MPRIP: variants seen among roughly 807,000 people sequenced by gnomAD.
MPRIP encodes myosin phosphatase Rho-interacting protein.
A neutral mutation model predicts 234.9 loss-of-function variants in MPRIP; 59 were observed. The ratio of observed to expected loss-of-function variants is 0.25; its 90% confidence interval spans 0.20 to 0.31. MPRIP has a LOEUF of 0.31. MPRIP is among the 10% of genes least tolerant of loss of function. MPRIP has a pLI of 1.00. For missense variants in MPRIP, 2,436 were observed against 3,071.0 expected, an observed-to-expected ratio of 0.79 and a Z score of 4.89; for synonymous variants, 1,144 against 1,263.9, an observed-to-expected ratio of 0.91 and a Z score of 2.01.
At chr17:17,088,761 T>C (rs2089648650) in intron 3 of MPRIP, among the ~76,000 whole-genome samples, 1 of 152,192 alleles carries the variant, frequency 6.6e-6, no homozygotes, top group Admixed American at 6.5e-5. Context: ...GATGAGCTGA[T>C]CCACGTAGGG....
chr17:17,155,105 C>G (rs527683119), intron 13 of MPRIP, among the ~76,000 whole-genome samples: 40 of 152,316 alleles, frequency 2.6e-4, no homozygotes, highest in Middle Eastern at 6.8e-3. Context: ...TTCAGAGCCT[C>G]CACGCATCTG....
intron 1 of MPRIP, among the ~76,000 whole-genome samples, chr17:17,073,261 A>T (rs918552756): frequency 6.6e-6 from 1 of 152,114 alleles, no homozygotes; most frequent in South Asian, 2.1e-4. Flanking sequence ...CACCTGCATC[A>T]GTCCCCTCTG....
At chr17:17,097,248 T>C (rs2089867361) in intron 3 of MPRIP, 1 of 183,366 alleles carries the variant, frequency 5.5e-6, no homozygotes, top group African/African-American at 2.3e-5. Flanking sequence ...ATATTGTGGT[T>C]ATGTATCTAT....
intron 3 of MPRIP, among the ~76,000 whole-genome samples, chr17:17,112,583 A>C (rs1034024247): frequency 6.6e-6 from 1 of 152,106 alleles, no homozygotes; most frequent in East Asian, 1.9e-4. Flanking sequence ...CTGCTCCTGC[A>C]GGGCTCACTC....
chr17:17,166,699 A>G lies in MPRIP; in HGVS notation c.5108A>G (p.Gln1703Arg). 1 of 1,304,082 alleles carries G rather than the reference A, an allele frequency of 7.7e-7. No individual in the cohort carries two copies. Among genetic ancestry groups the G allele is most frequent in the East Asian group, 5.5e-5 (1 of 18,024 alleles). The allele number at this position is 1,304,082 out of a possible 1,614,324, so 80.8% of individuals were successfully genotyped here. ...TLRGTQTALR[Q>R]HKCLLREILG... is the part of the protein sequence containing the mutation. ...CGGGGCACCCAGACGGCCCTGCGGC[A>G]GCACAAATGCCTGCTGAGGGAAATC... The change falls in exon 16 of 24, where the codon CAG becomes CGG. Residue 1703 changes from glutamine to arginine, a missense_variant. Coordinates refer to ENST00000651222, the MANE Select transcript of MPRIP (RefSeq NM_001364716.4). This position sits in a 1 kb window ranked among gnomAD's most constrained non-coding sequence, Gnocchi z 4.4.
chr17:17,146,996 C>T (rs1436792831), intron 10 of MPRIP, among the ~76,000 whole-genome samples: 2 of 152,250 alleles, frequency 1.3e-5, no homozygotes, highest in African/African-American at 4.8e-5. Flanking sequence ...TGTCTGCAGC[C>T]TCTGTAGTTA....
At chr17:17,102,197 G>T (rs2089976470) in intron 3 of MPRIP, among the ~76,000 whole-genome samples, 1 of 152,106 alleles carries the variant, frequency 6.6e-6, no homozygotes, top group Non-Finnish European at 1.5e-5. Flanking sequence ...CTCCCTTCCT[G>T]TCTTTATGGG....
At chr17:17,084,515 T>G (rs2089540799) in intron 3 of MPRIP, among the ~76,000 whole-genome samples, 1 of 152,224 alleles carries the variant, frequency 6.6e-6, no homozygotes, top group Admixed American at 6.5e-5. Flanking sequence ...CCAGAGAGAT[T>G]GCGAGGTGGC....
intron 3 of MPRIP, among the ~76,000 whole-genome samples, chr17:17,088,060 A>G (rs1210849501): frequency 6.6e-6 from 1 of 152,200 alleles, no homozygotes; most frequent in Non-Finnish European, 1.5e-5. Flanking sequence ...ACTGCTGGCC[A>G]CCCACAATTG....
intron 1 of MPRIP, among the ~76,000 whole-genome samples, chr17:17,064,851 T>C (rs946811868): frequency 2.0e-5 from 3 of 152,180 alleles, no homozygotes; most frequent in Non-Finnish European, 4.4e-5. Context: ...GTGTATGTTT[T>C]CATTCCCTGG....
chr17:17,139,701 A>T (rs2090774282), intron 7 of MPRIP, among the ~76,000 whole-genome samples: 1 of 152,172 alleles, frequency 6.6e-6, no homozygotes, highest in African/African-American at 2.4e-5. Context: ...CCACTCTTCC[A>T]AACGTCCCAG....
intron 3 of MPRIP, among the ~76,000 whole-genome samples, chr17:17,122,523 T>A (rs1179292304): frequency 6.6e-6 from 1 of 152,148 alleles, no homozygotes; most frequent in African/African-American, 2.4e-5. Flanking sequence ...CCAGCTAATT[T>A]TTTGTATTTT....
chr17:17,126,772 C>T lies in MPRIP; in HGVS notation c.338C>T (p.Thr113Met), dbSNP rs747878388. 3 of 1,614,178 alleles carry T rather than the reference C, an allele frequency of 1.9e-6. No homozygotes were observed. The highest frequency in any genetic ancestry group is 1.1e-5 in the South Asian group (1 of 91,080). Reference sequence around the variant, plus strand: ...GATGTGGTGGATGGGGAGGGCCGCACGGGCCAGAAGTTCTCCCTGTGTATT... The same window carrying T: ...GATGTGGTGGATGGGGAGGGCCGCATGGGCCAGAAGTTCTCCCTGTGTATT... ...CTDVVDGEGR[T>M]GQKFSLCILT... Residue 113 changes from threonine to methionine, a missense_variant, in exon 4 of 24, where the codon ACG becomes ATG. Transcript: ENST00000651222.
In MPRIP at chr17:17,180,794, C is replaced by A. The variant is rs2046358054; in HGVS notation, c.7206+706C>A. The A allele has an allele frequency of 2.3e-5, 23 of 995,100 alleles. No homozygotes were observed. In the South Asian group the frequency reaches 3.3e-4, roughly 14 times the overall value. 61.6% of individuals were successfully genotyped at this position (995,100 alleles called of 1,614,324 possible). On this transcript the variant is annotated intron_variant, in intron 23 of 23. Coordinates refer to ENST00000651222, the MANE Select transcript of MPRIP (RefSeq NM_001364716.4). ...CACATACCAAATCCAAGTGAGGTTTCTTTAACCTGCTCTGGGGAGTTAATT... is the reference window on the plus strand; with the variant it reads ...CACATACCAAATCCAAGTGAGGTTTATTTAACCTGCTCTGGGGAGTTAATT...
intron 14 of MPRIP, 92 bp from the exon 15 acceptor site, chr17:17,161,148 C>T (rs2045855241): frequency 2.4e-6 from 2 of 830,036 alleles, no homozygotes; most frequent in African/African-American, 1.7e-5. Context: ...ACTCTTGGGC[C>T]ACATGGAAGA....
intron 1 of MPRIP, among the ~76,000 whole-genome samples, chr17:17,044,139 A>G (rs954851366): frequency 6.6e-6 from 1 of 152,234 alleles, no homozygotes; most frequent in Non-Finnish European, 1.5e-5. Context: ...TCCAACTGCC[A>G]GGAAAAGATT....
chr17:17,144,320 C>T (rs1402600845), intron 9 of MPRIP, among the ~76,000 whole-genome samples: 1 of 152,246 alleles, frequency 6.6e-6, no homozygotes, highest in East Asian at 1.9e-4. Context: ...CTGCCAACCA[C>T]AGATTGATGT....
rs1255190322 is a variant in MPRIP at position 17,166,617 on chromosome 17, ACACAGTCAGTGAGGGAGTCGTTC to A, written c.5030_5052del (p.Gln1677ProfsTer37). On this transcript the variant is annotated frameshift_variant, in exon 16 of 24. Coordinates refer to ENST00000651222, the MANE Select transcript of MPRIP (RefSeq NM_001364716.4). LOFTEE classifies it high-confidence loss of function. The surrounding 1 kb of genome is among the most constrained non-coding windows in gnomAD (Gnocchi z 4.4). ...GGTCAGGGCAGAGCTCAGCTTTGCC[ACACAGTCAGTGAGGGAGTCGTTC>A]CACCGCAGGCTACAGAGCATCCAGG... The A allele has an allele frequency of 7.7e-7, 1 of 1,304,068 alleles. No homozygotes were observed. The highest frequency in any genetic ancestry group is 1.0e-6 in the Non-Finnish European group (1 of 988,884). 80.8% of individuals were successfully genotyped at this position (1,304,068 alleles called of 1,614,324 possible). A position where few individuals can be genotyped will look rare whatever the true frequency, so the allele number is the denominator to read the frequency against.
intron 1 of MPRIP, among the ~76,000 whole-genome samples, chr17:17,067,741 C>T (rs998311366): frequency 6.7e-6 from 1 of 149,404 alleles, no homozygotes; most frequent in African/African-American, 2.5e-5. Flanking sequence ...AGGGTAACAC[C>T]AGCTTCATAA....
Sources: gnomAD v4.1 joint callset for allele counts (sites outside exome capture counted in the v4.1 genomes callset) on GRCh38, gnomAD v4.1.1 for gene constraint, Gnocchi (gnomAD v3.1) non-coding constraint, MANE v1.5 for transcripts, NCBI Gene and HGNC (gene_info 2026-07-23, HGNC 2026-07-21) for gene names.